TYR: variants seen among roughly 807,000 people sequenced by gnomAD.
The protein encoded by TYR is LB24-AB.
In TYR, 58 loss-of-function variants were observed where a neutral mutation model predicts 51.5. That is an observed-to-expected ratio of 1.13 (90% CI 0.91 to 1.40). The LOEUF is 1.40. TYR is among the 40% of genes most tolerant of loss of function. The pLI is 0.00. For missense variants in TYR, 732 were observed against 647.4 expected (o/e 1.13, Z -1.42); for synonymous variants, 263 against 235.2 (o/e 1.12, Z -1.08).
chr11:89,294,450 G>A (rs1313863372), intron 4 of TYR, among the ~76,000 whole-genome samples: 2 of 152,164 alleles, frequency 1.3e-5, no homozygotes, highest in African/African-American at 4.8e-5. Context: ...ATAAAGGCCA[G>A]GCCCCTGCCC....
rs1944067052 is a variant in TYR at position 89,232,735 on chromosome 11, TTA to T, written c.1184+4767_1184+4768del. ...TTGAAAAAAAAAATTAAAATTAAAA[TTA>T]TGTTTATACTTTAATGTAGATTATT... On this transcript the variant is annotated intron_variant, in intron 3 of 4. Coordinates refer to ENST00000263321, the MANE Select transcript of TYR (RefSeq NM_000372.5). Among the ~76,000 whole-genome samples the T allele has an allele frequency of 1.4e-5, 2 of 143,410 alleles. 1 individual carries two copies. The highest frequency in any genetic ancestry group is 3.0e-5 in the Non-Finnish European group (2 of 66,662). The allele number at this position is 143,410 out of a possible 152,430, so 94.1% of individuals were successfully genotyped here.
chr11:89,229,593 G>T (rs1188445114), intron 3 of TYR, among the ~76,000 whole-genome samples: 1 of 151,756 alleles, frequency 6.6e-6, no homozygotes, highest in Non-Finnish European at 1.5e-5. Flanking sequence ...ATCAAAATAT[G>T]AAAGGAAGAG....
chr11:89,284,712 T>C, intron 3 of TYR, 61 bp from the exon 4 acceptor site: 1 of 1,531,992 alleles, frequency 6.5e-7, no homozygotes, highest in Admixed American at 1.7e-5. Context: ...CTTTAAAAAT[T>C]TTCAAATGTT....
intron 4 of TYR, among the ~76,000 whole-genome samples, chr11:89,288,157 G>A (rs527242420): frequency 1.3e-4 from 20 of 151,950 alleles, no homozygotes; most frequent in Admixed American, 7.9e-4. Context: ...ACTCAAAAGC[G>A]GTGTCTGGCC....
At chr11:89,212,243 G>T (rs56167234) in intron 2 of TYR, among the ~76,000 whole-genome samples, 3,840 of 152,174 alleles carry the variant, frequency 0.025, 174 homozygotes, top group African/African-American at 0.089. Context: ...AATAAGAAAT[G>T]ATAAAGAGGA....
At chr11:89,215,589 A>AAAATTTGAGTCT (rs1943822166) in intron 2 of TYR, among the ~76,000 whole-genome samples, 1 of 152,184 alleles carries the variant, frequency 6.6e-6, no homozygotes, top group Non-Finnish European at 1.5e-5. Context: ...ATTGGCTTTA[A>AAAATTTGAGTCT]AAATTTGAGT....
At chr11:89,277,145 G>A (rs983092635) in intron 3 of TYR, among the ~76,000 whole-genome samples, 18 of 151,424 alleles carry the variant, frequency 1.2e-4, no homozygotes, top group Non-Finnish European at 1.5e-5. Flanking sequence ...AGTTTTATTG[G>A]ATTAAGTTTA....
intron 3 of TYR, chr11:89,283,942 G>A (rs1280484129): frequency 2.0e-5 from 3 of 151,820 alleles, no homozygotes; most frequent in African/African-American, 7.2e-5. Context: ...AGCAGGTTCA[G>A]AAATAGGTGA....
chr11:89,292,170 A>G (rs1458481285), intron 4 of TYR, among the ~76,000 whole-genome samples: 1 of 151,938 alleles, frequency 6.6e-6, no homozygotes, highest in Non-Finnish European at 1.5e-5. Flanking sequence ...CCTTTTGTAT[A>G]TGTCTGCCCT....
chr11:89,178,848 T>A, intron 1 of TYR, 76 bp downstream of exon 1: 2 of 1,463,624 alleles, frequency 1.4e-6, no homozygotes, highest in South Asian at 1.1e-5. Context: ...GGTATAAACT[T>A]CTCACCTGAA....
intron 4 of TYR, among the ~76,000 whole-genome samples, chr11:89,290,129 T>C (rs1165387645): frequency 6.6e-6 from 1 of 152,046 alleles, no homozygotes; most frequent in African/African-American, 2.4e-5. Flanking sequence ...TACATAATTA[T>C]TCTGAAAAGA....
intron 2 of TYR, among the ~76,000 whole-genome samples, chr11:89,199,956 A>T (rs1943574742): frequency 1.3e-5 from 2 of 152,254 alleles, no homozygotes; most frequent in Non-Finnish European, 2.9e-5. Flanking sequence ...GTATAGAGTC[A>T]GGCATTAAGA....
intron 3 of TYR, among the ~76,000 whole-genome samples, chr11:89,272,472 G>C (rs183945796): frequency 6.6e-6 from 1 of 151,668 alleles, no homozygotes; most frequent in African/African-American, 2.4e-5. Flanking sequence ...CAGATGTGCT[G>C]TCACCTAAAC....
intron 3 of TYR, among the ~76,000 whole-genome samples, chr11:89,235,616 A>C (rs1944100875): frequency 6.6e-6 from 1 of 152,154 alleles, no homozygotes; most frequent in South Asian, 2.1e-4. Flanking sequence ...GAATCTAAAA[A>C]ACTTTGAACT....
chr11:89,266,597 C>T (rs1247819366), intron 3 of TYR, among the ~76,000 whole-genome samples: 1 of 151,938 alleles, frequency 6.6e-6, no homozygotes, highest in Non-Finnish European at 1.5e-5. Context: ...TTTTTTCACA[C>T]AATTCCACTC....
chr11:89,246,719 T>A (rs562202494), intron 3 of TYR, among the ~76,000 whole-genome samples: 1 of 152,204 alleles, frequency 6.6e-6, no homozygotes, highest in South Asian at 2.1e-4. Flanking sequence ...GCCATCCTGC[T>A]AAGAAGACTG....
At chr11:89,179,665 C>G (rs972520531) in intron 1 of TYR, among the ~76,000 whole-genome samples, 1 of 152,122 alleles carries the variant, frequency 6.6e-6, no homozygotes, top group Non-Finnish European at 1.5e-5. Flanking sequence ...TTCATTCTGT[C>G]TCACTTTTTC....
At chr11:89,206,183 A>G (rs1265475023) in intron 2 of TYR, among the ~76,000 whole-genome samples, 2 of 152,148 alleles carry the variant, frequency 1.3e-5, no homozygotes, top group African/African-American at 4.8e-5. Flanking sequence ...TTAAATGTGA[A>G]TAGTCTAAAA....
intron 2 of TYR, among the ~76,000 whole-genome samples, chr11:89,210,145 A>G (rs1385797085): frequency 6.6e-6 from 1 of 152,208 alleles, no homozygotes; most frequent in African/African-American, 2.4e-5. Context: ...AGTAGGCTTC[A>G]GAAGGTGGGT....
Sources: allele counts gnomAD v4.1 joint callset (sites outside exome capture counted in the v4.1 genomes callset), GRCh38; gene constraint gnomAD v4.1.1; transcripts MANE v1.5; gene names NCBI Gene and HGNC (gene_info 2026-07-23, HGNC 2026-07-21).